PPP5C: variants seen among roughly 807,000 people sequenced by gnomAD.
PPP5C encodes the protein serine/threonine-protein phosphatase 5.
A neutral mutation model predicts 66.7 loss-of-function variants in PPP5C; 21 were observed. The ratio of observed to expected loss-of-function variants is 0.31; its 90% CI spans 0.22 to 0.45. The LOEUF (loss-of-function observed/expected upper bound fraction) is 0.45, where lower values mean the gene tolerates loss of function less well. Ranked by LOEUF, PPP5C falls within the 20% of genes least tolerant of loss-of-function variation. The pLI, the probability that PPP5C is intolerant of heterozygous loss-of-function variation, is 1.00. For synonymous variants in PPP5C, 246 were observed against 257.4 expected (o/e 0.96, Z 0.43); for missense variants, 464 against 675.9 (o/e 0.69, Z 3.48).
chr19:46,370,397 C>G (rs972834781), intron 2 of PPP5C, among the ~76,000 whole-genome samples: 1 of 152,210 alleles, frequency 6.6e-6, no homozygotes, highest in Non-Finnish European at 1.5e-5. Context: ...ATCAGTATCA[C>G]TGTCTCCCAC....
In PPP5C at chr19:46,354,003, T is replaced by C. The variant is rs944038150; in HGVS notation, c.363+14T>C. The C allele has an allele frequency of 1.2e-6, 2 of 1,608,908 alleles. No individual in the cohort carries two copies. Among genetic ancestry groups the C allele is most frequent in the Non-Finnish European group, 1.7e-6 (2 of 1,178,888 alleles). Reference sequence around the variant, plus strand: ...GACTACGAGACGGTGAGCTGGGGAGTGGGCCAGGCCTGGCACCTGAGCCAG... The same window carrying C: ...GACTACGAGACGGTGAGCTGGGGAGCGGGCCAGGCCTGGCACCTGAGCCAG... On this transcript the variant is annotated intron_variant, in intron 2 of 12. Transcript: ENST00000012443.
chr19:46,363,337 A>ACC (rs1972431532), intron 2 of PPP5C, among the ~76,000 whole-genome samples: 3 of 124,904 alleles, frequency 2.4e-5, no homozygotes, highest in Non-Finnish European at 5.3e-5. Flanking sequence ...AAAAAAAAAA[A>ACC]AAAAAAAAAA....
intron 2 of PPP5C, among the ~76,000 whole-genome samples, chr19:46,368,360 G>A (rs529633132): frequency 1.4e-4 from 21 of 152,276 alleles, no homozygotes; most frequent in Admixed American, 2.6e-4. Flanking sequence ...GCAGCTACTC[G>A]TGGCGAGTGT....
intron 2 of PPP5C, among the ~76,000 whole-genome samples, chr19:46,363,577 C>T (rs1380813593): frequency 6.6e-6 from 1 of 151,534 alleles, no homozygotes; most frequent in African/African-American, 2.4e-5. Context: ...TGCAGGCACG[C>T]ACCACCACAT....
intron 6 of PPP5C, chr19:46,384,433 CATTG>C (rs1213562396): frequency 3.4e-6 from 1 of 292,426 alleles, no homozygotes; most frequent in African/African-American, 2.1e-5. Flanking sequence ...TAGGCCTATG[CATTG>C]TTGAGTGGGA....
chr19:46,389,716 C>A (rs552160418), intron 11 of PPP5C, among the ~76,000 whole-genome samples: 91 of 152,088 alleles, frequency 6.0e-4, no homozygotes, highest in African/African-American at 2.1e-3. Context: ...GTGACATGTT[C>A]CTCTGTTCCC....
intron 1 of PPP5C, among the ~76,000 whole-genome samples, chr19:46,351,793 A>G: frequency 6.6e-6 from 1 of 152,112 alleles, no homozygotes; most frequent in East Asian, 1.9e-4. Context: ...GGAGGGACAC[A>G]CTCATTACTC....
intron 1 of PPP5C, among the ~76,000 whole-genome samples, chr19:46,353,349 C>T (rs1248559392): frequency 6.6e-6 from 1 of 152,142 alleles, no homozygotes; most frequent in Non-Finnish European, 1.5e-5. Flanking sequence ...GGGATCTGTC[C>T]CACCAGCCTC....
intron 2 of PPP5C, among the ~76,000 whole-genome samples, chr19:46,366,875 A>C (rs757720370): frequency 2.6e-5 from 4 of 152,188 alleles, no homozygotes; most frequent in Non-Finnish European, 4.4e-5. Context: ...CTGCTGTCCT[A>C]TTCCAGTGCC....
intron 4 of PPP5C, among the ~76,000 whole-genome samples, chr19:46,379,599 GT>G (rs1276609653): frequency 2.0e-5 from 3 of 152,188 alleles, no homozygotes; most frequent in South Asian, 2.1e-4. Flanking sequence ...TGTCCCATTT[GT>G]TTTTTTCCCC....
rs1349406439 is a variant in PPP5C at position 46,376,417 on chromosome 19, GT to G, written c.512-35del. 6.2e-7 allele frequency: 1 copy of G among 1,608,486 alleles called. No homozygotes were observed. The highest frequency in any genetic ancestry group is 1.7e-5 in the Admixed American group (1 of 59,780). ...CCCCTTCTCCCTCATAGTGGCTGTG[GT>G]CACTGACTCTCGTGTCCCGTTGTTC... On this transcript the variant is annotated intron_variant, in intron 3 of 12. Transcript: ENST00000012443. The surrounding 1 kb of genome is among the most constrained non-coding windows in gnomAD (Gnocchi z 5.1).
intron 11 of PPP5C, among the ~76,000 whole-genome samples, chr19:46,389,300 G>A (rs987521750): frequency 1.3e-5 from 2 of 149,770 alleles, no homozygotes; most frequent in African/African-American, 5.0e-5. Context: ...CTCCAGCCTG[G>A]GGAAGAGTAA....
chr19:46,363,200 T>C (rs1267954001), intron 2 of PPP5C, among the ~76,000 whole-genome samples: 1 of 134,482 alleles, frequency 7.4e-6, no homozygotes, highest in East Asian at 2.4e-4. Context: ...CCCAGCTACT[T>C]GGGAGGCTGA....
In PPP5C at chr19:46,390,583, C is replaced by A; in HGVS notation, c.*237C>A. On this transcript the variant is annotated 3_prime_UTR_variant, in exon 13 of 13. Coordinates refer to ENST00000012443, the MANE Select transcript of PPP5C (RefSeq NM_006247.4). ...GAGGTGGAGCAGCTGGGGCTGGGGG[C>A]ACAGCCTGGGCATTCTGTGGGGAGG... 1 of 1,387,870 alleles carries A rather than the reference C, an allele frequency of 7.2e-7. No individual in the cohort carries two copies. The highest frequency in any genetic ancestry group is 9.4e-7 in the Non-Finnish European group (1 of 1,068,202). The allele number at this position is 1,387,870 out of a possible 1,614,324, so 86.0% of individuals were successfully genotyped here. A position where few individuals can be genotyped will look rare whatever the true frequency, so the allele number is the denominator to read the frequency against.
At position 46,388,881 on chromosome 19, in the gene PPP5C, C is replaced by G; in HGVS notation, c.1355+150C>G. 2.0e-6 allele frequency: 2 copies of G among 985,488 alleles called. No homozygotes were observed. Among genetic ancestry groups the G allele is most frequent in the African/African-American group, 1.6e-5 (1 of 61,528 alleles). 61.0% of individuals were successfully genotyped at this position (985,488 alleles called of 1,614,324 possible). ...AACACCCCCGTATGTGTCACCCACC[C>G]ATGCAGCACCAGTGGGGCCAGCCTG... On this transcript the variant is annotated intron_variant, in intron 11 of 12. Transcript: ENST00000012443. This position sits in a 1 kb window ranked among gnomAD's most constrained non-coding sequence, Gnocchi z 4.9.
In PPP5C at chr19:46,390,686, A is replaced by G; in HGVS notation, c.*340A>G. The G allele has an allele frequency of 8.3e-7, 1 of 1,210,806 alleles. No homozygotes were observed. Among genetic ancestry groups the G allele is most frequent in the Non-Finnish European group, 1.0e-6 (1 of 959,030 alleles). The allele number at this position is 1,210,806 out of a possible 1,614,324, so 75.0% of individuals were successfully genotyped here. On this transcript the variant is annotated 3_prime_UTR_variant, in exon 13 of 13. Transcript: ENST00000012443. Reference sequence around the variant, plus strand: ...ATGGCTCCTCCCCCACTCAAGCAATAGGGCCCCGCCATAGGAAGACCCCCA... The same window carrying G: ...ATGGCTCCTCCCCCACTCAAGCAATGGGGCCCCGCCATAGGAAGACCCCCA...
At chr19:46,378,365 A>G (rs1421547844) in intron 4 of PPP5C, among the ~76,000 whole-genome samples, 3 of 152,176 alleles carry the variant, frequency 2.0e-5, no homozygotes, top group Non-Finnish European at 4.4e-5. Flanking sequence ...GGATGATTCC[A>G]TTGGGGCTAT....
chr19:46,354,395 A>C (rs1178025135), intron 2 of PPP5C, among the ~76,000 whole-genome samples: 2 of 152,214 alleles, frequency 1.3e-5, no homozygotes, highest in Non-Finnish European at 2.9e-5. Context: ...GGAGCCACAC[A>C]GCCTCTCTTC....
chr19:46,348,308 T>G (rs916622832), intron 1 of PPP5C, among the ~76,000 whole-genome samples: 3,885 of 46,344 alleles, frequency 0.084, 58 homozygotes, highest in African/African-American at 0.12. Flanking sequence ...CAGTTTGGAA[T>G]TTTTTTTTTT....
Sources: allele counts gnomAD v4.1 joint callset (sites outside exome capture counted in the v4.1 genomes callset), GRCh38; gene constraint gnomAD v4.1.1; non-coding constraint Gnocchi (gnomAD v3.1); transcripts MANE v1.5; gene names NCBI Gene and HGNC (gene_info 2026-07-23, HGNC 2026-07-21).